The following EHMT1 variants were observed in gnomAD, a reference collection of about 807,000 sequenced individuals.
EHMT1 encodes the protein euchromatic histone lysine methyltransferase 1.
A neutral mutation model predicts 147.2 loss-of-function variants in EHMT1; 15 were observed. That is an observed-to-expected ratio of 0.10 (90% confidence interval 0.07 to 0.16). The LOEUF (loss-of-function observed/expected upper bound fraction) is 0.16. Among genes scored for constraint, EHMT1 ranks in the 10% least tolerant of loss-of-function variants. The pLI is 1.00. For synonymous variants in EHMT1, 795 were observed against 709.6 expected, an observed-to-expected ratio of 1.12 and a Z score of -1.91; for missense variants, 1,587 against 1,772.4, an observed-to-expected ratio of 0.90 and a Z score of 1.88.
chr9:137,646,472 T>TCC, intron 1 of EHMT1: 2 of 982,056 alleles, frequency 2.0e-6, no homozygotes, highest in Non-Finnish European at 2.4e-6. Context: ...CGAGGAGTGC[T>TCC]CCCGTTTTGT....
intron 1 of EHMT1, chr9:137,666,166 C>T (rs1225816856): frequency 1.3e-5 from 2 of 152,286 alleles, no homozygotes; most frequent in African/African-American, 4.8e-5. Context: ...CCTCCTTGTC[C>T]TCCATGCCGC....
At chr9:137,725,885 TCTC>T (rs769051107) in intron 3 of EHMT1, among the ~76,000 whole-genome samples, 1 of 152,030 alleles carries the variant, frequency 6.6e-6, no homozygotes, top group African/African-American at 2.4e-5. Context: ...GCTACCCTGT[TCTC>T]CTCCGTGTGC....
chr9:137,794,425 A>G (rs1028581452), intron 16 of EHMT1, among the ~76,000 whole-genome samples: 1 of 152,128 alleles, frequency 6.6e-6, no homozygotes, highest in East Asian at 1.9e-4. Context: ...AGGCAGAAGG[A>G]TGGCCTGAGG....
At chr9:137,800,732 T>C in intron 17 of EHMT1, 148 bp from the exon 18 acceptor site, 1 of 678,034 alleles carries the variant, frequency 1.5e-6, no homozygotes, top group Non-Finnish European at 2.6e-6. Flanking sequence ...AACTGTGGCC[T>C]CTGAAGGTTG....
Position 137,716,771 on chromosome 9 carries a change from A to C in EHMT1, c.231A>C (p.Ala77=). 6.2e-7 allele frequency: 1 copy of C among 1,613,080 alleles called. No individual in the cohort carries two copies. The highest frequency in any genetic ancestry group is 8.5e-7 in the Non-Finnish European group (1 of 1,179,812). ...CTGCAAAGCACACTCAGGACAGCGC[A>C]AGGGTCAACCCCCAGGATGGCACCA... is the stretch of plus-strand genomic sequence containing the variant. ...ANAAKHTQDS[A]RVNPQDGTNT... is the part of the protein sequence containing the mutation. The change falls in exon 3 of 27, where the codon GCA becomes GCC. Residue 77 remains alanine, a synonymous_variant. Transcript: ENST00000460843.
At chr9:137,711,563 A>G (rs1944724570) in intron 2 of EHMT1, among the ~76,000 whole-genome samples, 2 of 152,184 alleles carry the variant, frequency 1.3e-5, no homozygotes, top group South Asian at 4.1e-4. Flanking sequence ...CACTTGGAGA[A>G]CAGCAGTGGT....
At chr9:137,665,948 G>T (rs1939601497) in intron 1 of EHMT1, 1 of 152,228 alleles carries the variant, frequency 6.6e-6, no homozygotes, top group South Asian at 2.1e-4. Context: ...AGAGGGAGCC[G>T]CCGAGCTGGG....
intron 25 of EHMT1, chr9:137,823,392 C>T (rs985765399): frequency 1.6e-4 from 57 of 364,526 alleles, no homozygotes; most frequent in South Asian, 2.3e-4. Context: ...GCCACCGCAC[C>T]GCACCCGGCC....
At chr9:137,644,100 G>A (rs1450308051) in intron 1 of EHMT1, among the ~76,000 whole-genome samples, 2 of 152,176 alleles carry the variant, frequency 1.3e-5, no homozygotes, top group East Asian at 1.9e-4. Flanking sequence ...TAGCAGTACG[G>A]TGACCAGGTG....
At chr9:137,690,506 C>CAAAA (rs34887611) in intron 1 of EHMT1, among the ~76,000 whole-genome samples, 3 of 91,146 alleles carry the variant, frequency 3.3e-5, no homozygotes, top group African/African-American at 1.1e-4. Flanking sequence ...GACCCTGTCT[C>CAAAA]AAAAAAAAAA....
Position 137,815,964 on chromosome 9 carries a change from A to G in EHMT1, c.3276A>G (p.Pro1092=). ...CWYDKDGRLL[P]EFNMAEPPLI... is the part of the protein sequence containing the mutation. ...GTCCACAGGATGGCCGGCTCCTGCC[A>G]GAGTTCAACATGGCGGAGCCTCCCT... Residue 1092 remains proline (P), a synonymous_variant, in exon 23 of 27, where the codon CCA becomes CCG. Coordinates refer to ENST00000460843, the MANE Select transcript of EHMT1 (RefSeq NM_024757.5). 1.9e-6 allele frequency: 3 copies of G among 1,608,704 alleles called. No homozygotes were observed. Among genetic ancestry groups the G allele is most frequent in the Non-Finnish European group, 2.5e-6 (3 of 1,177,606 alleles).
chr9:137,797,243 C>G (rs1178204644), intron 16 of EHMT1, among the ~76,000 whole-genome samples: 2 of 152,058 alleles, frequency 1.3e-5, no homozygotes, highest in African/African-American at 4.8e-5. Flanking sequence ...TCACTGAACC[C>G]GACAGAAGCC....
rs1950954800 is a variant in EHMT1, at chr9:137,776,318, G to T, written c.1792-300G>T. Among the ~76,000 whole-genome samples the T allele has an allele frequency of 6.6e-6, 1 of 152,100 alleles. No individual in the cohort carries two copies. The highest frequency in any genetic ancestry group is 1.5e-5 in the Non-Finnish European group (1 of 68,026). ...CGCCCTTCAGAGTAGGGGCCTTCTG[G>T]GTCCTTCTTTAGGCCTTCTCTTTGC... is the stretch of plus-strand genomic sequence containing the variant. On this transcript the variant is annotated intron_variant, in intron 11 of 26. Transcript: ENST00000460843. The surrounding 1 kb of genome is among the most constrained non-coding windows in gnomAD (Gnocchi z 4.4).
chr9:137,700,099 T>A (rs931398924), intron 1 of EHMT1, among the ~76,000 whole-genome samples: 2 of 152,230 alleles, frequency 1.3e-5, no homozygotes, highest in Admixed American at 1.3e-4. Context: ...AAAGAGAATT[T>A]GTGAGGTCAC....
rs749367443 is a variant in EHMT1, at chr9:137,782,309, A to G, written c.2294A>G (p.Asn765Ser). ...TTCACAGTGGACGGAATTGACCCCA[A>G]CTTCAAAATGGAGCACCAGAATAAG... ...LLMLVDGIDP[N>S]FKMEHQNKRS... Residue 765 changes from asparagine (N) to serine (S), a missense_variant, in exon 15 of 27, where the codon AAC (asparagine) becomes AGC (serine). By Grantham distance (46) the Asn-to-Ser change is conservative. This residue lies in a region of EHMT1 where 201 missense variants were observed against 350.1 expected (regional missense o/e 0.57). Transcript: ENST00000460843. This position sits in a 1 kb window ranked among gnomAD's most constrained non-coding sequence, Gnocchi z 5.7. 3 of 1,613,786 alleles carry G rather than the reference A, an allele frequency of 1.9e-6. No individual in the cohort carries two copies. Among genetic ancestry groups the G allele is most frequent in the Non-Finnish European group, 2.5e-6 (3 of 1,179,942 alleles).
chr9:137,677,829 C>T (rs1384766654), intron 1 of EHMT1, among the ~76,000 whole-genome samples: 1 of 151,154 alleles, frequency 6.6e-6, no homozygotes, highest in Non-Finnish European at 1.5e-5. Context: ...GAGGCGGAGG[C>T]GGGCGGATCA....
intron 10 of EHMT1, chr9:137,763,538 T>C (rs1399592824): frequency 1.3e-5 from 2 of 155,966 alleles, no homozygotes; most frequent in Non-Finnish European, 2.8e-5. Flanking sequence ...ACGTGGCCAT[T>C]AGTGTCGTCT....
At chr9:137,769,632 T>C (rs1950467439) in intron 10 of EHMT1, among the ~76,000 whole-genome samples, 1 of 152,218 alleles carries the variant, frequency 6.6e-6, no homozygotes, top group African/African-American at 2.4e-5. Context: ...ATATGTCATT[T>C]TTCTCTGTCT....
intron 1 of EHMT1, among the ~76,000 whole-genome samples, chr9:137,710,141 G>C (rs1419811327): frequency 6.6e-6 from 1 of 151,286 alleles, no homozygotes. Context: ...GCTTCTTGAA[G>C]GCAAGGATTT....
Sources: allele counts gnomAD v4.1 joint callset (sites outside exome capture counted in the v4.1 genomes callset), GRCh38; gene constraint gnomAD v4.1.1; regional missense constraint gnomAD v4.1.1; non-coding constraint Gnocchi (gnomAD v3.1); transcripts MANE v1.5; gene names NCBI Gene and HGNC (gene_info 2026-07-23, HGNC 2026-07-21).